The following SEC14L2 variants were observed in gnomAD, a reference collection of about 807,000 sequenced individuals.
SEC14L2 encodes the protein SEC14-like protein 2.
A neutral mutation model predicts 56.9 loss-of-function variants in SEC14L2; 50 were observed. The ratio of observed to expected loss-of-function variants is 0.88; its 90% CI spans 0.70 to 1.11. SEC14L2 has a LOEUF of 1.11. SEC14L2 is among the 50% of genes most tolerant of loss of function. SEC14L2 has a pLI of 0.00. For synonymous variants in SEC14L2, 179 were observed against 188.5 expected (o/e 0.95, Z 0.41); for missense variants, 414 against 500.7 (o/e 0.83, Z 1.65).
intron 2 of SEC14L2, 85 bp downstream of exon 2, chr22:30,399,803 C>CA: frequency 8.3e-7 from 1 of 1,204,408 alleles, no homozygotes; most frequent in South Asian, 1.4e-5. Context: ...CTGCCCTTGG[C>CA]AATTGAGGCA....
chr22:30,413,790 A>C (rs1400707988), intron 8 of SEC14L2, among the ~76,000 whole-genome samples: 1 of 150,820 alleles, frequency 6.6e-6, no homozygotes, highest in Non-Finnish European at 1.5e-5. Flanking sequence ...GGCAGCAACA[A>C]GCTCAAGCTC....
At chr22:30,421,549 CA>C (rs1421541157) in intron 11 of SEC14L2, 5 of 152,206 alleles carry the variant, frequency 3.3e-5, no homozygotes, top group African/African-American at 1.2e-4. Flanking sequence ...CTTTGATGAA[CA>C]TTTGAGTTTT....
At chr22:30,418,415 C>T (rs964101089) in intron 11 of SEC14L2, among the ~76,000 whole-genome samples, 2 of 152,164 alleles carry the variant, frequency 1.3e-5, no homozygotes, top group African/African-American at 4.8e-5. Flanking sequence ...GACCCAAGGT[C>T]ACAGAGCCTG....
intron 3 of SEC14L2, 112 bp downstream of exon 3, chr22:30,406,497 G>C: frequency 3.9e-6 from 4 of 1,028,782 alleles, no homozygotes; most frequent in Non-Finnish European, 4.4e-6. Flanking sequence ...TTGAGTATTA[G>C]CCGACCACTG....
chr22:30,399,780 C>A, intron 2 of SEC14L2, 62 bp downstream of exon 2: 2 of 1,458,854 alleles, frequency 1.4e-6, no homozygotes, highest in Non-Finnish European at 1.9e-6. Context: ...CAGAATAGCA[C>A]CCTCTGAAAA....
intron 2 of SEC14L2, among the ~76,000 whole-genome samples, 194 bp downstream of exon 2, chr22:30,399,912 G>T (rs1933879738): frequency 6.6e-6 from 1 of 152,254 alleles, no homozygotes; most frequent in African/African-American, 2.4e-5. Flanking sequence ...GAGGTCAAGT[G>T]ACTTGTTCCA....
intron 11 of SEC14L2, chr22:30,421,401 C>G (rs533187442): frequency 6.6e-6 from 1 of 152,272 alleles, no homozygotes; most frequent in Non-Finnish European, 1.5e-5. Flanking sequence ...TGTTTACATA[C>G]TGTTCTGCAA....
intron 2 of SEC14L2, 33 bp downstream of exon 2, chr22:30,399,751 A>C (rs577548493): frequency 6.3e-7 from 1 of 1,593,722 alleles, no homozygotes; most frequent in East Asian, 2.2e-5. Flanking sequence ...AGGCTGGGGC[A>C]GGGGCTTGTT....
At chr22:30,421,084 T>C (rs577732605) in intron 11 of SEC14L2, 1 of 152,194 alleles carries the variant, frequency 6.6e-6, no homozygotes, top group Admixed American at 6.5e-5. Context: ...ATTGAAACAA[T>C]ACAGAGATTA....
intron 1 of SEC14L2, chr22:30,397,926 C>T (rs988209597): frequency 6.4e-6 from 3 of 469,478 alleles, no homozygotes; most frequent in South Asian, 1.6e-5. Flanking sequence ...AGTTTGAGGG[C>T]GGGACCTTCC....
At chr22:30,420,110 C>G (rs752209754) in intron 11 of SEC14L2, among the ~76,000 whole-genome samples, 1 of 152,048 alleles carries the variant, frequency 6.6e-6, no homozygotes, top group Non-Finnish European at 1.5e-5. Context: ...TGGGCCACCA[C>G]GCCTGGCTAA....
At chr22:30,407,033 T>C (rs1319712517) in intron 3 of SEC14L2, 62 bp from the exon 4 acceptor site, 27 of 1,558,902 alleles carry the variant, frequency 1.7e-5, no homozygotes, top group Non-Finnish European at 2.4e-5. Context: ...ATTACAGGTG[T>C]GAACCACCAT....
intron 2 of SEC14L2, among the ~76,000 whole-genome samples, chr22:30,401,207 ATTT>A (rs1332085732): frequency 5.3e-5 from 8 of 150,378 alleles, no homozygotes; most frequent in Non-Finnish European, 8.9e-5. Flanking sequence ...TTATTTATTT[ATTT>A]ATTTATTTAT....
intron 8 of SEC14L2, among the ~76,000 whole-genome samples, chr22:30,413,751 T>C (rs975186728): frequency 2.0e-5 from 3 of 151,818 alleles, no homozygotes; most frequent in Non-Finnish European, 4.4e-5. Flanking sequence ...CAGGGAAGTG[T>C]AGGACTTCTG....
intron 11 of SEC14L2, among the ~76,000 whole-genome samples, chr22:30,419,022 A>AGTAG (rs1934451569): frequency 6.6e-6 from 1 of 152,254 alleles, no homozygotes; most frequent in Non-Finnish European, 1.5e-5. Context: ...TACTGAGTAC[A>AGTAG]GAATACTCAA....
In SEC14L2 at chr22:30,416,389, G is replaced by C. The variant is rs766246309; in HGVS notation, c.1067G>C (p.Ser356Thr). 6.2e-7 allele frequency: 1 copy of C among 1,614,246 alleles called. No homozygotes were observed. The highest frequency in any genetic ancestry group is 1.7e-5 in the Admixed American group (1 of 60,030). ...CCTGAAGATGGGACCCTCACCTGCA[G>C]TGATCCTGGCATCTGTAAGTATCTC... ...LVPEDGTLTC[S>T]DPGIYVLRFD... The change falls in exon 11 of 12, where the codon AGT becomes ACT. Residue 356 changes from serine to threonine, a missense_variant. Transcript: ENST00000615189.
chr22:30,425,191 T>G lies in SEC14L2; in HGVS notation c.*2784T>G, dbSNP rs530516800. On this transcript the variant is annotated 3_prime_UTR_variant, in exon 12 of 12. Coordinates refer to ENST00000615189, the MANE Select transcript of SEC14L2 (RefSeq NM_012429.5). Reference sequence around the variant, plus strand: ...TTCTCTGTGCCTCCATTTTCTCACCTGTAAAACGGGCTCCCAGGCTGGTGG... The same window carrying G: ...TTCTCTGTGCCTCCATTTTCTCACCGGTAAAACGGGCTCCCAGGCTGGTGG... The G allele has an allele frequency of 4.3e-5, 9 of 208,588 alleles. No homozygotes were observed. In the South Asian group the frequency reaches 5.8e-4, roughly 13 times the overall value. 12.9% of individuals were successfully genotyped at this position (208,588 alleles called of 1,614,324 possible).
chr22:30,419,396 T>TA (rs1934460056), intron 11 of SEC14L2, among the ~76,000 whole-genome samples: 1 of 152,086 alleles, frequency 6.6e-6, no homozygotes, highest in African/African-American at 2.4e-5. Flanking sequence ...TACTAAAAAA[T>TA]ACAAAAATAA....
In SEC14L2 at chr22:30,424,781, A is replaced by G. The variant is rs1362875437; in HGVS notation, c.*2374A>G. 6.6e-6 allele frequency: 3 copies of G among 456,542 alleles called. No individual in the cohort carries two copies. The highest frequency in any genetic ancestry group is 4.6e-5 in the South Asian group (3 of 64,564). The allele number at this position is 456,542 out of a possible 1,614,324, so 28.3% of individuals were successfully genotyped here. ...TTATACCCGCCAAGGAGTCACAGAG[A>G]CTTAGTGAAGTGCACACATTGCTCA... On this transcript the variant is annotated 3_prime_UTR_variant, in exon 12 of 12. Coordinates refer to ENST00000615189, the MANE Select transcript of SEC14L2 (RefSeq NM_012429.5).
Sources: allele counts gnomAD v4.1 joint callset (sites outside exome capture counted in the v4.1 genomes callset), GRCh38; gene constraint gnomAD v4.1.1; transcripts MANE v1.5; gene names NCBI Gene and HGNC (gene_info 2026-07-23, HGNC 2026-07-21).